The following WAC variants were observed in gnomAD, a reference collection of about 807,000 sequenced individuals.
WAC encodes WW domain containing adaptor with coiled-coil.
WAC carries 11 observed loss-of-function variants against 79.6 expected under a neutral mutation model. The observed-to-expected ratio is 0.14, with a 90% CI of 0.09 to 0.23. The LOEUF is 0.23. Ranked by LOEUF, WAC falls within the 10% of genes least tolerant of loss-of-function variation. The probability of loss-of-function intolerance (pLI) is 1.00; values close to 1 mark genes in which losing one functional copy is unlikely to be tolerated. For missense variants in WAC, 728 were observed against 773.5 expected, an observed-to-expected ratio of 0.94 and a Z score of 0.70; for synonymous variants, 304 against 276.9, an observed-to-expected ratio of 1.10 and a Z score of -0.97.
At chr10:28,614,789 C>A in intron 11 of WAC, 104 bp downstream of exon 11, 1 of 938,178 alleles carries the variant, frequency 1.1e-6, no homozygotes, top group Non-Finnish European at 1.6e-6. Context: ...CTTTAAACTC[C>A]ATGAATACCC....
intron 8 of WAC, 116 bp from the exon 9 acceptor site, chr10:28,610,581 TGA>T: frequency 9.3e-7 from 1 of 1,073,712 alleles, no homozygotes. Flanking sequence ...GCTTTTATTT[TGA>T]GAGTTCTAGG....
At chr10:28,544,542 T>C (rs528465938) in intron 3 of WAC, among the ~76,000 whole-genome samples, 5 of 152,334 alleles carry the variant, frequency 3.3e-5, no homozygotes, top group Non-Finnish European at 5.9e-5. Context: ...GAGTAGATTA[T>C]TAGGCTTGCT....
intron 7 of WAC, among the ~76,000 whole-genome samples, chr10:28,600,546 C>T (rs1211085991): frequency 3.3e-5 from 5 of 151,784 alleles, no homozygotes; most frequent in African/African-American, 4.8e-5. Context: ...ATTGAATAAT[C>T]GAATAACTTA....
rs552378714 is a variant in WAC, at chr10:28,543,150, G to A, written c.274+7393G>A. ...ACTATAGTCAGTAATTCTGGGGTGG[G>A]TCCCAAAGATCTGCCTTTTAACAAG... On this transcript the variant is annotated intron_variant, in intron 3 of 13. Coordinates refer to ENST00000354911, the MANE Select transcript of WAC (RefSeq NM_016628.5). Among the ~76,000 whole-genome samples the A allele has an allele frequency of 1.5e-3, 231 of 152,272 alleles. 2 individuals carry two copies. Among genetic ancestry groups the A allele is most frequent in the South Asian group, 7.0e-3 (34 of 4,828 alleles).
intron 3 of WAC, among the ~76,000 whole-genome samples, chr10:28,536,687 C>T (rs996026991): frequency 6.6e-6 from 1 of 152,174 alleles, no homozygotes; most frequent in Admixed American, 6.5e-5. Context: ...TTGCCTCAAG[C>T]TCTTTGTGGT....
intron 3 of WAC, among the ~76,000 whole-genome samples, chr10:28,545,962 G>T (rs1339480787): frequency 6.6e-6 from 1 of 152,184 alleles, no homozygotes; most frequent in Non-Finnish European, 1.5e-5. Context: ...TGGAAAAATA[G>T]CCTTTCTCCA....
At chr10:28,591,035 G>A (rs1385466578) in intron 6 of WAC, 5 of 517,686 alleles carry the variant, frequency 9.7e-6, no homozygotes, top group African/African-American at 2.0e-5. Context: ...ACAGGTATGT[G>A]TTTCCCACTA....
At chr10:28,562,641 CATT>C (rs548624881) in intron 3 of WAC, among the ~76,000 whole-genome samples, 1 of 152,222 alleles carries the variant, frequency 6.6e-6, no homozygotes, top group African/African-American at 2.4e-5. Context: ...AGGTAGTAAA[CATT>C]AATAAAGCTG....
At chr10:28,571,751 G>T (rs1331936689) in intron 3 of WAC, among the ~76,000 whole-genome samples, 1 of 152,176 alleles carries the variant, frequency 6.6e-6, no homozygotes, top group Non-Finnish European at 1.5e-5. Context: ...AGGGTCAGGA[G>T]GTAAAATTAC....
At chr10:28,565,599 C>T (rs1470470068) in intron 3 of WAC, among the ~76,000 whole-genome samples, 1 of 152,164 alleles carries the variant, frequency 6.6e-6, no homozygotes, top group Non-Finnish European at 1.5e-5. Flanking sequence ...CATCAATTAT[C>T]AAATAATATT....
intron 3 of WAC, among the ~76,000 whole-genome samples, chr10:28,550,298 T>TG (rs1271937347): frequency 6.6e-6 from 1 of 152,076 alleles, no homozygotes; most frequent in Non-Finnish European, 1.5e-5. Flanking sequence ...CATCTTTTTT[T>TG]TTTTTATGCT....
intron 3 of WAC, among the ~76,000 whole-genome samples, chr10:28,545,615 A>T (rs1170395512): frequency 6.6e-6 from 1 of 152,284 alleles, no homozygotes; most frequent in Non-Finnish European, 1.5e-5. Flanking sequence ...GAGTTTTATC[A>T]TTAACAGTCT....
At chr10:28,562,133 C>G (rs1838330641) in intron 3 of WAC, among the ~76,000 whole-genome samples, 2 of 152,284 alleles carry the variant, frequency 1.3e-5, no homozygotes, top group East Asian at 1.9e-4. Flanking sequence ...TCTTGGTTCA[C>G]TGCAACTTTG....
intron 3 of WAC, among the ~76,000 whole-genome samples, chr10:28,546,611 A>G (rs1302756225): frequency 6.6e-6 from 1 of 152,214 alleles, no homozygotes; most frequent in African/African-American, 2.4e-5. Flanking sequence ...AGTACTTTCT[A>G]AAACTAAAAT....
chr10:28,598,159 G>A (rs923978151), intron 7 of WAC, among the ~76,000 whole-genome samples: 1 of 152,088 alleles, frequency 6.6e-6, no homozygotes, highest in African/African-American at 2.4e-5. Flanking sequence ...GAATTGTGTC[G>A]GCTCCTTGCT....
chr10:28,618,931 C>T (rs763101214), intron 13 of WAC, among the ~76,000 whole-genome samples: 1 of 152,096 alleles, frequency 6.6e-6, no homozygotes, highest in South Asian at 2.1e-4. Context: ...TGTGATGATA[C>T]GGTTTATAAA....
intron 4 of WAC, among the ~76,000 whole-genome samples, chr10:28,585,768 G>A (rs1839790394): frequency 2.0e-5 from 3 of 151,944 alleles, no homozygotes; most frequent in Admixed American, 2.0e-4. Context: ...AGCAGCCCTT[G>A]TGGGCATTGT....
chr10:28,598,761 C>T (rs544920269), intron 7 of WAC, among the ~76,000 whole-genome samples: 17 of 152,234 alleles, frequency 1.1e-4, no homozygotes, highest in African/African-American at 3.4e-4. Flanking sequence ...TCAGTTCGGA[C>T]GCTCGTAATG....
intron 3 of WAC, among the ~76,000 whole-genome samples, chr10:28,539,000 A>G (rs1836851570): frequency 1.3e-5 from 2 of 152,142 alleles, no homozygotes; most frequent in South Asian, 2.1e-4. Context: ...GTTACTTACT[A>G]TATGCATTGA....
Sources: gnomAD v4.1 joint callset for allele counts (sites outside exome capture counted in the v4.1 genomes callset) on GRCh38, gnomAD v4.1.1 for gene constraint, MANE v1.5 for transcripts, NCBI Gene and HGNC (gene_info 2026-07-23, HGNC 2026-07-21) for gene names.